Variants in STK32B observed in about 807,000 individuals in gnomAD.
STK32B encodes serine/threonine-protein kinase 32B.
In STK32B, 43 loss-of-function variants were observed where a neutral mutation model predicts 52.6. That is an observed-to-expected ratio of 0.82 (90% CI 0.64 to 1.05). The LOEUF (loss-of-function observed/expected upper bound fraction) is 1.05, where lower values mean the gene tolerates loss of function less well. Ranked by LOEUF, STK32B falls within the 50% of genes least tolerant of loss-of-function variation. The pLI is 0.00. For synonymous variants in STK32B, 238 were observed against 204.3 expected, an observed-to-expected ratio of 1.17 and a Z score of -1.41; for missense variants, 621 against 534.6, an observed-to-expected ratio of 1.16 and a Z score of -1.59.
chr4:5,490,427 G>A (rs1719625067), intron 11 of STK32B, among the ~76,000 whole-genome samples: 1 of 152,060 alleles, frequency 6.6e-6, no homozygotes, highest in Admixed American at 6.6e-5. Flanking sequence ...TCTTATGAAG[G>A]CTGTCAACCA....
At chr4:5,121,026 C>A (rs1040217767) in intron 1 of STK32B, among the ~76,000 whole-genome samples, 2 of 152,050 alleles carry the variant, frequency 1.3e-5, no homozygotes, top group Non-Finnish European at 2.9e-5. Context: ...GTGCACCCAT[C>A]ACCCCAGCAG....
chr4:5,384,247 C>T (rs1736106920), intron 4 of STK32B, among the ~76,000 whole-genome samples: 1 of 152,136 alleles, frequency 6.6e-6, no homozygotes. Context: ...CAAAGGCTGA[C>T]AGCTCTGCCC....
chr4:5,195,920 A>G (rs559473351), intron 3 of STK32B, among the ~76,000 whole-genome samples: 66 of 152,338 alleles, frequency 4.3e-4, no homozygotes, highest in African/African-American at 1.3e-3. Flanking sequence ...AACAATCTTC[A>G]GTTGTCTTAC....
intron 1 of STK32B, among the ~76,000 whole-genome samples, chr4:5,105,730 A>AT (rs1161062683): frequency 2.6e-5 from 4 of 151,708 alleles, no homozygotes; most frequent in African/African-American, 7.2e-5. Context: ...CGCCTGGCTA[A>AT]TTTTTTGTAT....
chr4:5,070,769 G>T (rs1711719723), intron 1 of STK32B, among the ~76,000 whole-genome samples: 1 of 152,134 alleles, frequency 6.6e-6, no homozygotes, highest in Non-Finnish European at 1.5e-5. Flanking sequence ...AGTTATTCTG[G>T]TTGGAACAGA....
intron 3 of STK32B, among the ~76,000 whole-genome samples, chr4:5,298,240 T>C (rs983965428): frequency 6.6e-6 from 1 of 152,152 alleles, no homozygotes; most frequent in Non-Finnish European, 1.5e-5. Context: ...GCGAGGTGTC[T>C]CCCAGTCAGG....
chr4:5,191,600 T>C (rs1721206902), intron 3 of STK32B, among the ~76,000 whole-genome samples: 1 of 152,092 alleles, frequency 6.6e-6, no homozygotes, highest in Non-Finnish European at 1.5e-5. Flanking sequence ...TTTGATTTCA[T>C]TTAAGGAAGG....
intron 3 of STK32B, among the ~76,000 whole-genome samples, chr4:5,197,349 G>A (rs1261413040): frequency 1.3e-5 from 2 of 152,184 alleles, no homozygotes; most frequent in Admixed American, 1.3e-4. Flanking sequence ...GCATGACTTG[G>A]TTGACTGATG....
intron 6 of STK32B, among the ~76,000 whole-genome samples, chr4:5,442,524 AT>A (rs1714889785): frequency 6.7e-6 from 1 of 150,044 alleles, no homozygotes. Flanking sequence ...GATTTCCTGA[AT>A]ACAGCACACT....
At chr4:5,480,809 A>T (rs1321528051) in intron 11 of STK32B, among the ~76,000 whole-genome samples, 1 of 147,752 alleles carries the variant, frequency 6.8e-6, no homozygotes, top group Non-Finnish European at 1.5e-5. Context: ...TTCAATTCCC[A>T]CCTATCAGTG....
intron 3 of STK32B, among the ~76,000 whole-genome samples, chr4:5,252,824 G>C (rs1726034034): frequency 6.6e-6 from 1 of 152,126 alleles, no homozygotes. Flanking sequence ...TCAGCATGAA[G>C]GTTACATGCA....
At chr4:5,064,388 A>G (rs1192954729) in intron 1 of STK32B, among the ~76,000 whole-genome samples, 2 of 126,590 alleles carry the variant, frequency 1.6e-5, no homozygotes, top group Non-Finnish European at 3.3e-5. Context: ...ATAATATATA[A>G]ATATATACTT....
At chr4:5,312,260 T>TTC (rs1730342291) in intron 3 of STK32B, among the ~76,000 whole-genome samples, 1 of 150,778 alleles carries the variant, frequency 6.6e-6, no homozygotes, top group African/African-American at 2.5e-5. Flanking sequence ...ACGTTTAGTT[T>TTC]TTTTTTTATT....
chr4:5,076,918 T>C (rs1712112323), intron 1 of STK32B, among the ~76,000 whole-genome samples: 1 of 152,130 alleles, frequency 6.6e-6, no homozygotes, highest in African/African-American at 2.4e-5. Context: ...TTCTTCCTTT[T>C]ATATTGTTAT....
At chr4:5,082,489 G>A (rs1253282156) in intron 1 of STK32B, among the ~76,000 whole-genome samples, 1 of 152,156 alleles carries the variant, frequency 6.6e-6, no homozygotes, top group Non-Finnish European at 1.5e-5. Context: ...CAGTTAGAAG[G>A]AATTGCAGTC....
At chr4:5,204,700 C>T (rs2108779109) in intron 3 of STK32B, among the ~76,000 whole-genome samples, 1 of 152,094 alleles carries the variant, frequency 6.6e-6, no homozygotes, top group East Asian at 1.9e-4. Flanking sequence ...GAACTCCTGA[C>T]CTTGTGATCT....
chr4:5,239,880 GCAT>G (rs2108815729), intron 3 of STK32B, among the ~76,000 whole-genome samples: 1 of 151,966 alleles, frequency 6.6e-6, no homozygotes, highest in African/African-American at 2.4e-5. Flanking sequence ...GGTTCCAAAT[GCAT>G]CATGTACACT....
rs1245054115 is a variant in STK32B, at chr4:5,159,674, AAT to A, written c.109-8616_109-8615del. The stretch of plus-strand genomic sequence containing the variant: ...ATGAATATATATATGAATGTATATG[AAT>A]ATATATATGAATATATATGAATATA... On this transcript the variant is annotated intron_variant, in intron 2 of 11. Transcript: ENST00000282908. 4.1e-3 allele frequency among the ~76,000 whole-genome samples: 239 copies of A among 58,956 alleles called. 31 individuals are homozygous for A. Among genetic ancestry groups the A allele is most frequent in the African/African-American group, 0.019 (207 of 11,000 alleles). The allele number at this position is 58,956 out of a possible 152,430, so 38.7% of individuals were successfully genotyped here. A position where few individuals can be genotyped will look rare whatever the true frequency, so the allele number is the denominator to read the frequency against.
intron 9 of STK32B, 146 bp from the exon 10 acceptor site, chr4:5,466,557 A>C: frequency 8.8e-7 from 1 of 1,132,296 alleles, no homozygotes; most frequent in Non-Finnish European, 1.2e-6. Flanking sequence ...TATCATCAGA[A>C]AACAGAAACA....
Sources: gnomAD v4.1 joint callset for allele counts (sites outside exome capture counted in the v4.1 genomes callset) on GRCh38, gnomAD v4.1.1 for gene constraint, MANE v1.5 for transcripts, NCBI Gene and HGNC (gene_info 2026-07-23, HGNC 2026-07-21) for gene names.